ADGRF3: variants seen among roughly 807,000 people sequenced by gnomAD.
The protein encoded by ADGRF3 is adhesion G protein-coupled receptor F3.
ADGRF3 carries 85 observed loss-of-function variants against 93.2 expected under a neutral mutation model. That is an observed-to-expected ratio of 0.91 (90% CI 0.77 to 1.09). The LOEUF (loss-of-function observed/expected upper bound fraction) is 1.09, where lower values mean the gene tolerates loss of function less well. Among genes scored for constraint, ADGRF3 ranks in the 50% least tolerant of loss-of-function variants. ADGRF3 has a pLI of 0.00. For missense variants in ADGRF3, 1,125 were observed against 1,246.2 expected, an observed-to-expected ratio of 0.90 and a Z score of 1.46; for synonymous variants, 534 against 532.5, an observed-to-expected ratio of 1.00 and a Z score of -0.04.
At chr2:26,327,688 TGA>T (rs150731754) in intron 1 of ADGRF3, among the ~76,000 whole-genome samples, 9 of 115,676 alleles carry the variant, frequency 7.8e-5, no homozygotes, top group Admixed American at 1.3e-4. Context: ...AGAGAGCACA[TGA>T]GAGAGAGAGA....
Position 26,309,009 on chromosome 2 carries a change from CAT to C in ADGRF3, c.*75_*76del. On this transcript the variant is annotated 3_prime_UTR_variant, in exon 14 of 14. Transcript: ENST00000651242. ...TCCGGGAGGCGGGAAGAGTTCAGAG[CAT>C]TGGGCCAGGGCTCATCTGGTGGGTT... 1 of 1,603,700 alleles carries C rather than the reference CAT, an allele frequency of 6.2e-7. No individual in the cohort carries two copies.
intron 1 of ADGRF3, among the ~76,000 whole-genome samples, chr2:26,325,908 A>C (rs529877229): frequency 1.3e-5 from 2 of 152,324 alleles, no homozygotes; most frequent in Admixed American, 1.3e-4. Context: ...AAATCATATA[A>C]GAGAAGATGA....
At chr2:26,317,280 T>A (rs565612777) in intron 2 of ADGRF3, among the ~76,000 whole-genome samples, 2 of 152,216 alleles carry the variant, frequency 1.3e-5, no homozygotes, top group South Asian at 4.2e-4. Flanking sequence ...CAACACCTAT[T>A]TTATGGATGA....
chr2:26,329,845 A>G (rs1348722361), intron 1 of ADGRF3, among the ~76,000 whole-genome samples: 1 of 152,058 alleles, frequency 6.6e-6, no homozygotes, highest in Non-Finnish European at 1.5e-5. Context: ...ACATTTACTT[A>G]TGGCACTTTT....
intron 1 of ADGRF3, among the ~76,000 whole-genome samples, chr2:26,335,576 G>C (rs1179271196): frequency 6.6e-6 from 1 of 151,808 alleles, no homozygotes; most frequent in African/African-American, 2.4e-5. Flanking sequence ...CACAGGAGCT[G>C]TACCATTTTA....
In ADGRF3 at chr2:26,338,758, G is replaced by A. The variant is rs549433671; in HGVS notation, c.114+7363C>T. On this transcript the variant is annotated intron_variant, in intron 1 of 13. Transcript: ENST00000651242. ...ATTATAAGCATGAGCCACCGTATCCGGCAGTCTTTTTCAGCTTTGTATCTC... is the reference window on the plus strand; with the variant it reads ...ATTATAAGCATGAGCCACCGTATCCAGCAGTCTTTTTCAGCTTTGTATCTC... 5.9e-5 allele frequency among the ~76,000 whole-genome samples: 9 copies of A among 152,110 alleles called. No individual in the cohort carries two copies. In the East Asian group the frequency reaches 1.7e-3, roughly 30 times the overall value.
At chr2:26,310,605 C>G in intron 10 of ADGRF3, 87 bp downstream of exon 10, 1 of 1,369,988 alleles carries the variant, frequency 7.3e-7, no homozygotes, top group Non-Finnish European at 9.9e-7. Flanking sequence ...TTCTTCTGCT[C>G]CACCTTGGTA....
rs551572483 is a variant in ADGRF3, at chr2:26,345,096, C to T, written c.114+1025G>A. Among the ~76,000 whole-genome samples the T allele has an allele frequency of 9.9e-5, 15 of 152,274 alleles. No homozygotes were observed. The South Asian group carries it at 2.9e-3, about 29-fold the overall frequency. ...AGAACTCATTTCATGTTGGGTCGAT[C>T]ATTTCCGAGCTTCGTAACTAAGTGA... On this transcript the variant is annotated intron_variant, in intron 1 of 13. Coordinates refer to ENST00000651242, the MANE Select transcript of ADGRF3 (RefSeq NM_001321971.2).
intron 1 of ADGRF3, among the ~76,000 whole-genome samples, chr2:26,324,514 CTGTA>C (rs1307728504): frequency 6.6e-6 from 1 of 152,130 alleles, no homozygotes; most frequent in Admixed American, 6.5e-5. Flanking sequence ...GTGTGTTCCC[CTGTA>C]TGTGTCCATG....
At position 26,336,941 on chromosome 2, in the gene ADGRF3, G is replaced by A. The variant is rs370989028; in HGVS notation, c.114+9180C>T. Reference sequence around the variant, plus strand: ...ACTGAAGATGAGTGAAGAGCAAGTGGGAGGTTTGGAAGTAAGAGATAGTTT... The same window carrying A: ...ACTGAAGATGAGTGAAGAGCAAGTGAGAGGTTTGGAAGTAAGAGATAGTTT... On this transcript the variant is annotated intron_variant, in intron 1 of 13. Coordinates refer to ENST00000651242, the MANE Select transcript of ADGRF3 (RefSeq NM_001321971.2). Among the ~76,000 whole-genome samples, 13 of 152,156 alleles carry A rather than the reference G, an allele frequency of 8.5e-5. No individual in the cohort carries two copies. The East Asian group carries it at 2.5e-3, about 29-fold the overall frequency.
chr2:26,335,024 C>T (rs1675960092), intron 1 of ADGRF3, among the ~76,000 whole-genome samples: 5 of 152,244 alleles, frequency 3.3e-5, no homozygotes, highest in Admixed American at 2.6e-4. Context: ...TTTAATATAA[C>T]ATTAATAATC....
chr2:26,325,216 C>T (rs1487883750), intron 1 of ADGRF3, among the ~76,000 whole-genome samples: 1 of 152,182 alleles, frequency 6.6e-6, no homozygotes, highest in Non-Finnish European at 1.5e-5. Context: ...GGCAAGTCAG[C>T]TAATCCTCGG....
intron 5 of ADGRF3, 66 bp downstream of exon 5, chr2:26,315,456 G>A: frequency 6.7e-7 from 1 of 1,488,736 alleles, no homozygotes; most frequent in East Asian, 2.5e-5. Flanking sequence ...AAGCAGAGAA[G>A]GAAGACGAGG....
intron 5 of ADGRF3, 142 bp from the exon 6 acceptor site, chr2:26,314,765 A>T (rs538417989): frequency 2.9e-5 from 20 of 699,754 alleles, no homozygotes; most frequent in East Asian, 2.7e-4. Flanking sequence ...AGGTCCCAGG[A>T]TGGCCCCTTT....
At chr2:26,345,211 C>T (rs1445680151) in intron 1 of ADGRF3, among the ~76,000 whole-genome samples, 3 of 152,086 alleles carry the variant, frequency 2.0e-5, no homozygotes, top group Non-Finnish European at 4.4e-5. Flanking sequence ...AAGTTCTCCC[C>T]ACAGAAGGCG....
At chr2:26,318,858 C>G in intron 1 of ADGRF3, 5 of 1,526,534 alleles carry the variant, frequency 3.3e-6, no homozygotes, top group Non-Finnish European at 4.4e-6. Context: ...TCCCCTCAGC[C>G]CTTTCCCCAC....
rs777826469 is a variant in ADGRF3 at position 26,311,950 on chromosome 2, C to T, written c.1574G>A (p.Ser525Asn). The T allele has an allele frequency of 1.2e-5, 19 of 1,613,798 alleles. No homozygotes were observed. Among genetic ancestry groups the T allele is most frequent in the Non-Finnish European group, 1.6e-5 (19 of 1,179,872 alleles). The change falls in exon 10 of 14, where the codon AGC becomes AAC. Residue 525 changes from serine (S) to asparagine (N), a missense_variant. Physicochemically the swap from Ser to Asn is conservative, Grantham distance 46. Coordinates refer to ENST00000651242, the MANE Select transcript of ADGRF3 (RefSeq NM_001321971.2). The part of the protein sequence containing the change: ...LLLAVETLAC[S>N]LCPQDHPFAF... The stretch of plus-strand genomic sequence containing the variant: ...GAAGGGGTGGTCCTGTGGGCACAGG[C>T]TGCATGCCAGGGTCTCCACAGCCAG...
chr2:26,346,274 C>T lies in ADGRF3; in HGVS notation c.-40G>A. 6.2e-7 allele frequency: 1 copy of T among 1,613,542 alleles called. No homozygotes were observed. The highest frequency in any genetic ancestry group is 8.5e-7 in the Non-Finnish European group (1 of 1,179,572). The stretch of plus-strand genomic sequence containing the variant: ...ACGTGAGCCCGGAGCAGCTGGCTGG[C>T]TTTGATAAGTACAAGGTACCGCGGG... On this transcript the variant is annotated 5_prime_UTR_variant, in exon 1 of 14. Coordinates refer to ENST00000651242, the MANE Select transcript of ADGRF3 (RefSeq NM_001321971.2).
At chr2:26,315,911 A>T (rs899344799) in intron 4 of ADGRF3, 171 bp from the exon 5 acceptor site, 14 of 1,018,308 alleles carry the variant, frequency 1.4e-5, no homozygotes, top group Non-Finnish European at 1.8e-5. Context: ...GGCTGCTGCA[A>T]TCCAGCCTGG....
Sources: gnomAD v4.1 joint callset for allele counts (sites outside exome capture counted in the v4.1 genomes callset) on GRCh38, gnomAD v4.1.1 for gene constraint, MANE v1.5 for transcripts, NCBI Gene and HGNC (gene_info 2026-07-23, HGNC 2026-07-21) for gene names.